Variants in TET1 observed in about 807,000 individuals in gnomAD.
TET1 encodes the protein methylcytosine dioxygenase TET1.
Under a neutral mutation model 148.7 loss-of-function variants are expected in TET1, and 13 were observed. The ratio of observed to expected loss-of-function variants is 0.09; its 90% CI spans 0.06 to 0.14. The LOEUF (loss-of-function observed/expected upper bound fraction) is 0.14. Among genes scored for constraint, TET1 ranks in the 10% least tolerant of loss-of-function variants. TET1 has a pLI of 1.00. For synonymous variants in TET1, 907 were observed against 937.2 expected, an observed-to-expected ratio of 0.97 and a Z score of 0.59; for missense variants, 2,182 against 2,553.8, an observed-to-expected ratio of 0.85 and a Z score of 3.14.
chr10:68,578,933 C>G (rs1254453719), intron 2 of TET1, among the ~76,000 whole-genome samples: 1 of 152,038 alleles, frequency 6.6e-6, no homozygotes, highest in Non-Finnish European at 1.5e-5. Flanking sequence ...GGGAAGATTG[C>G]GTGAACCTGT....
chr10:68,595,454 AAATT>A (rs1226070791), intron 2 of TET1, among the ~76,000 whole-genome samples: 2 of 152,088 alleles, frequency 1.3e-5, no homozygotes, highest in South Asian at 2.1e-4. Context: ...ATTTGGAAGA[AAATT>A]CCTTGTAGTA....
At chr10:68,658,198 T>A (rs779771811) in intron 6 of TET1, among the ~76,000 whole-genome samples, 3 of 151,992 alleles carry the variant, frequency 2.0e-5, no homozygotes, top group Admixed American at 2.0e-4. Context: ...CCCCCTCACC[T>A]TTTTTTTAAG....
chr10:68,588,571 C>T (rs1419701897), intron 2 of TET1, among the ~76,000 whole-genome samples: 1 of 152,026 alleles, frequency 6.6e-6, no homozygotes, highest in Non-Finnish European at 1.5e-5. Flanking sequence ...GAGAGGTGGA[C>T]TGGTTGAGGA....
intron 3 of TET1, among the ~76,000 whole-genome samples, chr10:68,627,181 G>A (rs536054748): frequency 2.7e-4 from 41 of 152,214 alleles, no homozygotes; most frequent in Admixed American, 1.5e-3. Flanking sequence ...GCCAAGGCGG[G>A]CGGATCACCT....
rs869073350 is a variant in TET1, at chr10:68,673,960, C to CTT, written c.4824+932_4824+933dup. Among the ~76,000 whole-genome samples, 558 of 72,408 alleles carry CTT rather than the reference C, an allele frequency of 7.7e-3. 22 individuals are homozygous for CTT. Among genetic ancestry groups the CTT allele is most frequent in the African/African-American group, 0.027 (512 of 19,072 alleles). 47.5% of individuals were successfully genotyped at this position (72,408 alleles called of 152,430 possible). On this transcript the variant is annotated intron_variant, in intron 8 of 11. Coordinates refer to ENST00000373644, the MANE Select transcript of TET1 (RefSeq NM_030625.3). ...CTTTTTTTTTTTTCTTTTTCTTTTT[C>CTT]TTTTTTTTTTTTTTTTTTGAGACAG...
chr10:68,669,283 A>G (rs1035371446), intron 7 of TET1, among the ~76,000 whole-genome samples: 2 of 151,562 alleles, frequency 1.3e-5, no homozygotes, highest in South Asian at 2.1e-4. Context: ...ATACAGAAAG[A>G]TGTAAGAATA....
chr10:68,619,657 CAT>C (rs1490071359), intron 3 of TET1, among the ~76,000 whole-genome samples: 4 of 152,120 alleles, frequency 2.6e-5, no homozygotes, highest in Non-Finnish European at 4.4e-5. Flanking sequence ...ATCTAATTAA[CAT>C]ATTTATCACC....
intron 2 of TET1, among the ~76,000 whole-genome samples, 180 bp from the exon 3 acceptor site, chr10:68,600,801 T>G (rs2054045186): frequency 6.6e-6 from 1 of 152,218 alleles, no homozygotes; most frequent in Non-Finnish European, 1.5e-5. Context: ...ATGCAAGATT[T>G]TTTTAGTGAC....
chr10:68,606,874 C>T (rs1171468555), intron 3 of TET1, among the ~76,000 whole-genome samples: 4 of 152,172 alleles, frequency 2.6e-5, no homozygotes, highest in Admixed American at 6.5e-5. Flanking sequence ...CTGTTAAGGA[C>T]GTGTGCTCAC....
chr10:68,575,889 G>A (rs1352826579), intron 2 of TET1, among the ~76,000 whole-genome samples: 1 of 150,768 alleles, frequency 6.6e-6, no homozygotes, highest in Non-Finnish European at 1.5e-5. Flanking sequence ...GCGTGACGGC[G>A]TGCGCCTGCA....
intron 2 of TET1, among the ~76,000 whole-genome samples, chr10:68,576,420 G>A (rs1009024547): frequency 6.6e-6 from 1 of 151,678 alleles, no homozygotes; most frequent in Non-Finnish European, 1.5e-5. Context: ...TCAGCACTTT[G>A]GGAGGGCTCA....
intron 3 of TET1, among the ~76,000 whole-genome samples, chr10:68,624,185 A>G (rs1200839403): frequency 1.4e-5 from 2 of 138,662 alleles, no homozygotes; most frequent in East Asian, 4.2e-4. Context: ...AAACTTCCCC[A>G]TCCCGGGTTC....
At chr10:68,576,470 C>A (rs997004793) in intron 2 of TET1, among the ~76,000 whole-genome samples, 1 of 151,986 alleles carries the variant, frequency 6.6e-6, no homozygotes, top group Non-Finnish European at 1.5e-5. Flanking sequence ...CGAAATCAGC[C>A]TGGGCAACAT....
chr10:68,588,933 G>A (rs765093650), intron 2 of TET1, among the ~76,000 whole-genome samples: 4 of 151,852 alleles, frequency 2.6e-5, no homozygotes, highest in Non-Finnish European at 2.9e-5. Flanking sequence ...ACAAGCCTGG[G>A]TAACAAACTG....
intron 7 of TET1, among the ~76,000 whole-genome samples, chr10:68,671,518 A>G (rs2055272006): frequency 1.3e-5 from 2 of 152,228 alleles, no homozygotes; most frequent in African/African-American, 2.4e-5. Flanking sequence ...ATTCACATGC[A>G]TGTGTCTTTA....
chr10:68,611,958 C>T (rs2054222583), intron 3 of TET1, among the ~76,000 whole-genome samples: 1 of 151,754 alleles, frequency 6.6e-6, no homozygotes, highest in South Asian at 2.1e-4. Context: ...ATATTATTTC[C>T]TCTTGGTATA....
chr10:68,647,295 G>A (rs528200934), intron 4 of TET1, among the ~76,000 whole-genome samples: 27 of 152,252 alleles, frequency 1.8e-4, no homozygotes, highest in African/African-American at 6.3e-4. Context: ...TCAATTTATC[G>A]TGCGTAGCAT....
intron 6 of TET1, among the ~76,000 whole-genome samples, chr10:68,666,739 C>T (rs2133175338): frequency 6.6e-6 from 1 of 152,206 alleles, no homozygotes; most frequent in Non-Finnish European, 1.5e-5. Flanking sequence ...ACTGTTGAGG[C>T]AGTGGAAAGT....
At chr10:68,582,537 A>G (rs2053809751) in intron 2 of TET1, among the ~76,000 whole-genome samples, 1 of 152,210 alleles carries the variant, frequency 6.6e-6, no homozygotes, top group Non-Finnish European at 1.5e-5. Flanking sequence ...TAGTGTTAAT[A>G]TGATACAAAT....
Sources: allele counts gnomAD v4.1 joint callset (sites outside exome capture counted in the v4.1 genomes callset), GRCh38; gene constraint gnomAD v4.1.1; transcripts MANE v1.5; gene names NCBI Gene and HGNC (gene_info 2026-07-23, HGNC 2026-07-21).